The following PTPRG variants were observed in gnomAD, a reference collection of about 807,000 sequenced individuals.
PTPRG encodes protein tyrosine phosphatase receptor type G.
Under a neutral mutation model 165.3 loss-of-function variants are expected in PTPRG, and 102 were observed. The observed-to-expected ratio is 0.62, with a 90% CI of 0.53 to 0.73. PTPRG has a LOEUF of 0.73. Among genes scored for constraint, PTPRG ranks in the 30% least tolerant of loss-of-function variants. The pLI, the probability that PTPRG is intolerant of heterozygous loss-of-function variation, is 0.00. For synonymous variants in PTPRG, 675 were observed against 669.5 expected (o/e 1.01, Z -0.13); for missense variants, 1,866 against 1,861.4 (o/e 1.00, Z -0.05).
rs551876845 is a variant in PTPRG at position 61,623,030 on chromosome 3, A to G, written c.85+60658A>G. Reference sequence around the variant, plus strand: ...GACTGGTATTCCACTGTGTATCTTAATATCAGGGAAATATCTCACAGGCAC... The same window carrying G: ...GACTGGTATTCCACTGTGTATCTTAGTATCAGGGAAATATCTCACAGGCAC... On this transcript the variant is annotated intron_variant, in intron 1 of 29. Coordinates refer to ENST00000474889, the MANE Select transcript of PTPRG (RefSeq NM_002841.4). Among the ~76,000 whole-genome samples, 76 of 152,304 alleles carry G rather than the reference A, an allele frequency of 5.0e-4. 5 individuals are homozygous for G. In the South Asian group the frequency reaches 0.015, roughly 31 times the overall value.
rs746399717 is a variant in PTPRG, at chr3:62,254,073, A to G, written c.2468-1051A>G. On this transcript the variant is annotated intron_variant, in intron 15 of 29. Transcript: ENST00000474889. This position sits in a 1 kb window ranked among gnomAD's most constrained non-coding sequence, Gnocchi z 4.6. ...GACATAGTCAATGTTAACTGTCACC[A>G]GATGAAGAGAAATCAGATTGTCAGG... is the stretch of plus-strand genomic sequence containing the variant. Among the ~76,000 whole-genome samples the G allele has an allele frequency of 1.3e-5, 2 of 152,240 alleles. No homozygotes were observed. The highest frequency in any genetic ancestry group is 4.8e-5 in the African/African-American group (2 of 41,472).
intron 2 of PTPRG, among the ~76,000 whole-genome samples, chr3:61,783,687 A>T (rs2034609922): frequency 6.6e-6 from 1 of 152,082 alleles, no homozygotes; most frequent in Non-Finnish European, 1.5e-5. Context: ...TGCAGTAGAG[A>T]AAGTATGAAC....
intron 4 of PTPRG, among the ~76,000 whole-genome samples, chr3:62,066,405 A>G (rs1474641609): frequency 6.6e-6 from 1 of 152,240 alleles, no homozygotes; most frequent in African/African-American, 2.4e-5. Flanking sequence ...TATTGAATTT[A>G]TAGGTCCATT....
intron 2 of PTPRG, among the ~76,000 whole-genome samples, chr3:61,830,895 G>A (rs7623117): frequency 0.24 from 36,596 of 152,112 alleles, 4,595 homozygotes; most frequent in East Asian, 0.3. Context: ...TTATCGGGAG[G>A]TATAAATGCA....
At chr3:61,998,286 T>C (rs551122664) in intron 3 of PTPRG, among the ~76,000 whole-genome samples, 1 of 152,280 alleles carries the variant, frequency 6.6e-6, no homozygotes, top group East Asian at 1.9e-4. Flanking sequence ...CTTTACATCA[T>C]GGGGAGCCCC....
Position 62,265,231 on chromosome 3 carries a change from T to C in PTPRG, c.2657-2179T>C, listed in dbSNP as rs1482034036. Among the ~76,000 whole-genome samples, 3 of 152,220 alleles carry C rather than the reference T, an allele frequency of 2.0e-5. No homozygotes were observed. The East Asian group carries it at 5.8e-4, about 29-fold the overall frequency. ...AGTTTGCAAATATTTTCTCATTCTGTGCATTGTCTTTTCACTTTCTTAATG... is the reference window on the plus strand; with the variant it reads ...AGTTTGCAAATATTTTCTCATTCTGCGCATTGTCTTTTCACTTTCTTAATG... On this transcript the variant is annotated intron_variant, in intron 17 of 29. Coordinates refer to ENST00000474889, the MANE Select transcript of PTPRG (RefSeq NM_002841.4).
intron 1 of PTPRG, among the ~76,000 whole-genome samples, chr3:61,604,417 G>C (rs1403380151): frequency 6.6e-6 from 1 of 152,216 alleles, no homozygotes; most frequent in Non-Finnish European, 1.5e-5. Context: ...TCTGCCAGTG[G>C]TTTTAAGTTG....
intron 2 of PTPRG, among the ~76,000 whole-genome samples, chr3:61,802,244 T>C (rs1282093826): frequency 6.6e-6 from 1 of 152,014 alleles, no homozygotes; most frequent in Non-Finnish European, 1.5e-5. Flanking sequence ...CATTGCCAGT[T>C]TGGGTGGAAC....
chr3:61,798,517 C>A (rs2035128124), intron 2 of PTPRG, among the ~76,000 whole-genome samples: 1 of 152,016 alleles, frequency 6.6e-6, no homozygotes. Context: ...CAAAACATTT[C>A]CCTGAAAGGA....
chr3:61,811,655 C>T (rs1402307592), intron 2 of PTPRG, among the ~76,000 whole-genome samples: 1 of 152,168 alleles, frequency 6.6e-6, no homozygotes. Context: ...TCACAAAACA[C>T]AACTTCAGCT....
chr3:62,089,019 C>T (rs1338378634), intron 5 of PTPRG, among the ~76,000 whole-genome samples: 1 of 152,176 alleles, frequency 6.6e-6, no homozygotes, highest in Admixed American at 6.5e-5. Context: ...AAGAACTTTA[C>T]AATTCTCTTT....
chr3:61,706,986 A>T (rs781699540), intron 1 of PTPRG, among the ~76,000 whole-genome samples: 1 of 152,292 alleles, frequency 6.6e-6, no homozygotes, highest in East Asian at 1.9e-4. Context: ...ATGTTCCATG[A>T]ATGGTATTTT....
chr3:61,572,818 G>A (rs759673032), intron 1 of PTPRG, among the ~76,000 whole-genome samples: 2 of 152,294 alleles, frequency 1.3e-5, no homozygotes, highest in African/African-American at 2.4e-5. Context: ...CACCTGTCCC[G>A]TAGTGGTTAT....
At chr3:62,181,745 G>A (rs866266767) in intron 8 of PTPRG, among the ~76,000 whole-genome samples, 5 of 152,064 alleles carry the variant, frequency 3.3e-5, no homozygotes, top group East Asian at 1.9e-4. Flanking sequence ...AGATATTTTC[G>A]AAATATCTTT....
chr3:62,288,800 A>G (rs150477004), intron 28 of PTPRG, among the ~76,000 whole-genome samples: 1 of 152,244 alleles, frequency 6.6e-6, no homozygotes, highest in Non-Finnish European at 1.5e-5. Flanking sequence ...GCTTCAATAT[A>G]TATTGGGGAC....
At chr3:61,721,272 G>A (rs978145071) in intron 1 of PTPRG, among the ~76,000 whole-genome samples, 4 of 152,142 alleles carry the variant, frequency 2.6e-5, no homozygotes, top group Admixed American at 6.6e-5. Flanking sequence ...AAGTAATATA[G>A]TATCATCAGT....
intron 1 of PTPRG, among the ~76,000 whole-genome samples, chr3:61,565,237 G>T (rs530845002): frequency 9.3e-4 from 142 of 152,280 alleles, no homozygotes; most frequent in African/African-American, 3.3e-3. Flanking sequence ...CAGCAGTGTG[G>T]CAGGTTTGGG....
intron 1 of PTPRG, among the ~76,000 whole-genome samples, chr3:61,715,700 A>C (rs1368936605): frequency 6.6e-6 from 1 of 152,166 alleles, no homozygotes; most frequent in African/African-American, 2.4e-5. Flanking sequence ...CCAAAAAAGA[A>C]ATGAAGCTGC....
intron 14 of PTPRG, among the ~76,000 whole-genome samples, chr3:62,236,802 A>G (rs546680691): frequency 2.0e-5 from 3 of 152,260 alleles, no homozygotes; most frequent in Admixed American, 1.3e-4. Context: ...GCCCATGTCC[A>G]GTAGTCATGA....
Sources: allele counts gnomAD v4.1 joint callset (sites outside exome capture counted in the v4.1 genomes callset), GRCh38; gene constraint gnomAD v4.1.1; non-coding constraint Gnocchi (gnomAD v3.1); transcripts MANE v1.5; gene names NCBI Gene and HGNC (gene_info 2026-07-23, HGNC 2026-07-21).